EDA: variants seen among roughly 807,000 people sequenced by gnomAD.
EDA encodes the protein ectodysplasin-A.
Under a neutral mutation model 23.6 loss-of-function variants are expected in EDA, and 2 were observed. The ratio of observed to expected loss-of-function variants is 0.08; its 90% CI spans 0.03 to 0.27. The LOEUF is 0.27. EDA is among the 10% of genes least tolerant of loss of function. The pLI is 1.00. For missense variants in EDA, 229 were observed against 324.2 expected, an observed-to-expected ratio of 0.71 and a Z score of 2.26; for synonymous variants, 131 against 132.0, an observed-to-expected ratio of 0.99 and a Z score of 0.05.
chrX:69,797,131 C>T (rs779745021), intron 1 of EDA, among the ~76,000 whole-genome samples: 15 of 110,001 alleles, frequency 1.4e-4, no homozygotes, highest in East Asian at 2.9e-4. Context: ...AGAAGGCAAG[C>T]GGATAATAAA....
chrX:69,744,976 TG>T (rs2013573420), intron 1 of EDA, among the ~76,000 whole-genome samples: 1 of 111,718 alleles, frequency 9.0e-6, no homozygotes. Context: ...GCATCATATC[TG>T]CTACTATCTC....
chrX:69,831,734 C>T (rs890372543), intron 1 of EDA, among the ~76,000 whole-genome samples: 21 of 112,359 alleles, frequency 1.9e-4, no homozygotes, highest in African/African-American at 3.2e-5. Flanking sequence ...GATTGCCATT[C>T]TAACTTGCAT....
chrX:69,817,112 C>T (rs1461769348), intron 1 of EDA, among the ~76,000 whole-genome samples: 2 of 111,653 alleles, frequency 1.8e-5, no homozygotes, highest in Non-Finnish European at 3.8e-5. Context: ...TCATATCCAG[C>T]CAAAATAAGC....
chrX:69,945,820 A>T (rs2018825240), intron 1 of EDA, among the ~76,000 whole-genome samples: 1 of 111,870 alleles, frequency 8.9e-6, no homozygotes, highest in African/African-American at 3.3e-5. Context: ...AGACATCCTA[A>T]TGCTGGATTC....
At chrX:69,641,122 G>A (rs367696165) in intron 1 of EDA, among the ~76,000 whole-genome samples, 1 of 110,183 alleles carries the variant, frequency 9.1e-6, no homozygotes, top group Non-Finnish European at 1.9e-5. Context: ...TAATGTTTTC[G>A]TTTGTTGTTT....
chrX:70,033,903 T>C (rs2020232284), intron 7 of EDA, among the ~76,000 whole-genome samples: 1 of 111,712 alleles, frequency 9.0e-6, no homozygotes, highest in Non-Finnish European at 1.9e-5. Flanking sequence ...GTTCCAGGGT[T>C]ACTGAGAACC....
At chrX:69,691,348 A>G (rs1206791703) in intron 1 of EDA, among the ~76,000 whole-genome samples, 1 of 111,868 alleles carries the variant, frequency 8.9e-6, no homozygotes, top group Non-Finnish European at 1.9e-5. Flanking sequence ...CTTCCACATT[A>G]TTGTGCTGAC....
chrX:69,740,152 TAATTA>T (rs2013407493), intron 1 of EDA, among the ~76,000 whole-genome samples: 1 of 111,271 alleles, frequency 9.0e-6, no homozygotes, highest in Non-Finnish European at 1.9e-5. Flanking sequence ...TTGTTTTGTA[TAATTA>T]AATTAGTTCA....
At position 69,682,484 on chromosome X, in the gene EDA, G is replaced by A. The variant is rs577663621; in HGVS notation, c.396+65780G>A. Among the ~76,000 whole-genome samples the A allele has an allele frequency of 2.2e-4, 25 of 112,286 alleles. No individual in the cohort carries two copies. The South Asian group carries it at 7.1e-3, about 32-fold the overall frequency. ...TATCAATCAGCGAGACTCCGTGGACGTAGGACACTCCAAGCCAGGTGTGGG... is the reference window on the plus strand; with the variant it reads ...TATCAATCAGCGAGACTCCGTGGACATAGGACACTCCAAGCCAGGTGTGGG... On this transcript the variant is annotated intron_variant, in intron 1 of 7. Transcript: ENST00000374552.
chrX:69,631,808 CAGAA>C (rs1932604957), intron 1 of EDA, among the ~76,000 whole-genome samples: 1 of 110,813 alleles, frequency 9.0e-6, no homozygotes, highest in Admixed American at 9.6e-5. Context: ...TTGTAGGAGA[CAGAA>C]AGATAAAATA....
At chrX:69,653,751 A>G (rs1933184092) in intron 1 of EDA, among the ~76,000 whole-genome samples, 1 of 111,780 alleles carries the variant, frequency 8.9e-6, no homozygotes, top group African/African-American at 3.3e-5. Flanking sequence ...AGCCATATGT[A>G]GAAAGCTGAA....
intron 1 of EDA, among the ~76,000 whole-genome samples, chrX:69,943,252 G>A (rs1048865963): frequency 1.4e-4 from 15 of 110,855 alleles, no homozygotes; most frequent in African/African-American, 4.9e-4. Flanking sequence ...TCGATGTCTG[G>A]GCATTGAACA....
At chrX:69,715,626 G>T (rs2012294940) in intron 1 of EDA, among the ~76,000 whole-genome samples, 1 of 110,423 alleles carries the variant, frequency 9.1e-6, no homozygotes, top group Non-Finnish European at 1.9e-5. Context: ...GAGATTGCTG[G>T]GTCAAATGGT....
intron 1 of EDA, among the ~76,000 whole-genome samples, chrX:69,835,786 A>G (rs916801667): frequency 1.8e-5 from 2 of 111,968 alleles, no homozygotes; most frequent in African/African-American, 3.3e-5. Context: ...TTGGAGGAGA[A>G]GAGGCACTCT....
At chrX:69,980,376 C>A (rs2019387666) in intron 2 of EDA, among the ~76,000 whole-genome samples, 1 of 112,027 alleles carries the variant, frequency 8.9e-6, no homozygotes, top group Non-Finnish European at 1.9e-5. Context: ...CAGAGATCTA[C>A]TATAGTAAGT....
At chrX:69,737,672 C>A (rs2013313739) in intron 1 of EDA, among the ~76,000 whole-genome samples, 2 of 112,200 alleles carry the variant, frequency 1.8e-5, no homozygotes, top group African/African-American at 6.5e-5. Context: ...AGTGTTATTT[C>A]TTTGTGTAAA....
intron 1 of EDA, among the ~76,000 whole-genome samples, chrX:69,733,981 C>T (rs2013152505): frequency 9.2e-6 from 1 of 109,029 alleles, no homozygotes; most frequent in African/African-American, 3.3e-5. Context: ...TTTTTCTTCT[C>T]TTGTATTTCC....
intron 1 of EDA, among the ~76,000 whole-genome samples, chrX:69,841,574 C>T (rs1384321113): frequency 1.8e-5 from 2 of 110,929 alleles, no homozygotes; most frequent in African/African-American, 6.6e-5. Flanking sequence ...TGGTCTCGAA[C>T]TCCTGAGCTC....
chrX:69,873,203 AAT>A (rs1284760498), intron 1 of EDA, among the ~76,000 whole-genome samples: 2 of 111,919 alleles, frequency 1.8e-5, no homozygotes, highest in African/African-American at 6.5e-5. Flanking sequence ...ACTAAACAAT[AAT>A]AGTGACACAA....
Sources: gnomAD v4.1 joint callset for allele counts (sites outside exome capture counted in the v4.1 genomes callset) on GRCh38, gnomAD v4.1.1 for gene constraint, MANE v1.5 for transcripts, NCBI Gene and HGNC (gene_info 2026-07-23, HGNC 2026-07-21) for gene names.